The following CTNND2 variants were observed in gnomAD, a reference collection of about 807,000 sequenced individuals.
CTNND2 encodes the protein catenin delta-2.
CTNND2 carries 22 observed loss-of-function variants against 144.4 expected under a neutral mutation model. That is an observed-to-expected ratio of 0.15 (90% CI 0.11 to 0.22). The LOEUF (loss-of-function observed/expected upper bound fraction) is 0.22. Among genes scored for constraint, CTNND2 ranks in the 10% least tolerant of loss-of-function variants. The pLI, the probability that CTNND2 is intolerant of heterozygous loss-of-function variation, is 1.00. For missense variants in CTNND2, 1,353 were observed against 1,618.8 expected, an observed-to-expected ratio of 0.84 and a Z score of 2.82; for synonymous variants, 751 against 695.6, an observed-to-expected ratio of 1.08 and a Z score of -1.25.
At chr5:11,418,128 C>T (rs141812156) in intron 3 of CTNND2, among the ~76,000 whole-genome samples, 76 of 151,948 alleles carry the variant, frequency 5.0e-4, no homozygotes, top group African/African-American at 1.7e-3. Context: ...TCTTTTGGGC[C>T]GGGCGTGGTG....
intron 1 of CTNND2, among the ~76,000 whole-genome samples, chr5:11,853,503 A>G (rs1409681805): frequency 1.3e-5 from 2 of 152,060 alleles, no homozygotes; most frequent in Non-Finnish European, 2.9e-5. Flanking sequence ...TCACACCTAC[A>G]TTGATGAATC....
intron 3 of CTNND2, among the ~76,000 whole-genome samples, chr5:11,541,767 G>A (rs531266015): frequency 1.6e-4 from 24 of 151,184 alleles, no homozygotes; most frequent in African/African-American, 5.1e-4. Context: ...GACCCCCGCA[G>A]TCTGTGTTCT....
rs1736639572 is a variant in CTNND2, at chr5:11,887,449, C to T, written c.37+16368G>A. Among the ~76,000 whole-genome samples the T allele has an allele frequency of 2.0e-5, 3 of 151,732 alleles. 1 individual carries two copies. The highest frequency in any genetic ancestry group is 6.8e-3 in the Middle Eastern group (2 of 294). On this transcript the variant is annotated intron_variant, in intron 1 of 21. Coordinates refer to ENST00000304623, the MANE Select transcript of CTNND2 (RefSeq NM_001332.4). Reference sequence around the variant, plus strand: ...AATATTAGGACATAGTCTAACCCCACTAAAATCAAACAAAAACATCGTTCC... The same window carrying T: ...AATATTAGGACATAGTCTAACCCCATTAAAATCAAACAAAAACATCGTTCC...
chr5:11,824,270 T>C (rs1392273370), intron 1 of CTNND2, among the ~76,000 whole-genome samples: 3 of 152,136 alleles, frequency 2.0e-5, no homozygotes, highest in Non-Finnish European at 4.4e-5. Flanking sequence ...TTTATAAACA[T>C]CCATAGTATT....
At chr5:11,802,049 G>A (rs934787319) in intron 1 of CTNND2, among the ~76,000 whole-genome samples, 2 of 152,092 alleles carry the variant, frequency 1.3e-5, no homozygotes, top group South Asian at 4.1e-4. Flanking sequence ...AAGGCAGAAG[G>A]ATCACTTGAA....
At chr5:11,585,084 T>C (rs554608108) in intron 2 of CTNND2, among the ~76,000 whole-genome samples, 4 of 152,266 alleles carry the variant, frequency 2.6e-5, no homozygotes, top group South Asian at 2.1e-4. Flanking sequence ...AGGCAGAGCA[T>C]ACAGAAGTCA....
At chr5:11,459,936 C>T (rs1332726040) in intron 3 of CTNND2, among the ~76,000 whole-genome samples, 64 of 152,124 alleles carry the variant, frequency 4.2e-4, no homozygotes. Flanking sequence ...ATGGTTAATG[C>T]CTCAAGTAAT....
intron 3 of CTNND2, among the ~76,000 whole-genome samples, chr5:11,473,459 G>A (rs769059455): frequency 1.3e-5 from 2 of 152,184 alleles, no homozygotes; most frequent in Non-Finnish European, 2.9e-5. Flanking sequence ...GGGATACTGA[G>A]TGAGAAGAGA....
intron 2 of CTNND2, among the ~76,000 whole-genome samples, chr5:11,686,856 C>T (rs974414474): frequency 1.2e-4 from 17 of 147,632 alleles, no homozygotes; most frequent in Non-Finnish European, 1.8e-4. Flanking sequence ...ATACTATAAA[C>T]ATATATACAT....
At chr5:11,832,111 G>A (rs1360949130) in intron 1 of CTNND2, among the ~76,000 whole-genome samples, 6 of 151,736 alleles carry the variant, frequency 4.0e-5, no homozygotes, top group African/African-American at 4.8e-5. Flanking sequence ...GTGAAACCCC[G>A]TCTCCACTAA....
At chr5:11,815,857 T>A (rs2126919481) in intron 1 of CTNND2, among the ~76,000 whole-genome samples, 1 of 152,164 alleles carries the variant, frequency 6.6e-6, no homozygotes, top group East Asian at 1.9e-4. Flanking sequence ...TAGCAAGTGG[T>A]GGCTCTGTTC....
At chr5:11,437,615 G>C (rs954356747) in intron 3 of CTNND2, among the ~76,000 whole-genome samples, 1 of 152,202 alleles carries the variant, frequency 6.6e-6, no homozygotes, top group African/African-American at 2.4e-5. Flanking sequence ...AAGGGAAAGA[G>C]CATTTGGGGT....
At chr5:11,340,402 C>T (rs1357109496) in intron 9 of CTNND2, among the ~76,000 whole-genome samples, 1 of 152,126 alleles carries the variant, frequency 6.6e-6, no homozygotes, top group Non-Finnish European at 1.5e-5. Flanking sequence ...GATAGTAATG[C>T]CTTCAGATGG....
chr5:11,037,047 A>G (rs148630330), intron 16 of CTNND2, among the ~76,000 whole-genome samples: 1 of 152,342 alleles, frequency 6.6e-6, no homozygotes, highest in Non-Finnish European at 1.5e-5. Flanking sequence ...AGAATGGCAC[A>G]ATAATGGTCA....
intron 1 of CTNND2, among the ~76,000 whole-genome samples, chr5:11,786,654 C>T (rs1188782703): frequency 1.3e-5 from 2 of 152,190 alleles, no homozygotes; most frequent in African/African-American, 4.8e-5. Flanking sequence ...TGCCTTATTT[C>T]GGACTAAAGA....
At chr5:11,553,215 C>A (rs1244692719) in intron 3 of CTNND2, among the ~76,000 whole-genome samples, 1 of 152,140 alleles carries the variant, frequency 6.6e-6, no homozygotes, top group Non-Finnish European at 1.5e-5. Flanking sequence ...TCCAGCAGTG[C>A]GCATGGAGAC....
chr5:11,424,591 G>A (rs973037997), intron 3 of CTNND2, among the ~76,000 whole-genome samples: 14 of 152,020 alleles, frequency 9.2e-5, no homozygotes, highest in Admixed American at 3.3e-4. Context: ...GGGGCTAGGC[G>A]AAGTTAGAAG....
chr5:11,036,700 C>A (rs190548070), intron 16 of CTNND2, among the ~76,000 whole-genome samples: 1 of 152,294 alleles, frequency 6.6e-6, no homozygotes, highest in Admixed American at 6.5e-5. Flanking sequence ...CAAACTAATA[C>A]AACTTTTAGA....
rs549753137 is a variant in CTNND2, at chr5:11,249,129, G to A, written c.1629-12306C>T. On this transcript the variant is annotated intron_variant, in intron 9 of 21. Coordinates refer to ENST00000304623, the MANE Select transcript of CTNND2 (RefSeq NM_001332.4). ...GGAGCAGAATTATCTACCAGAAAAA[G>A]CCTGTTATCTAAGAAGGAAGAGCGT... Among the ~76,000 whole-genome samples, 32 of 152,300 alleles carry A rather than the reference G, an allele frequency of 2.1e-4. No homozygotes were observed. In the South Asian group the frequency reaches 6.4e-3, roughly 31 times the overall value.
Sources: allele counts gnomAD v4.1 joint callset (sites outside exome capture counted in the v4.1 genomes callset), GRCh38; gene constraint gnomAD v4.1.1; transcripts MANE v1.5; gene names NCBI Gene and HGNC (gene_info 2026-07-23, HGNC 2026-07-21).